The following SULF2 variants were observed in gnomAD, a reference collection of about 807,000 sequenced individuals.
SULF2 encodes extracellular sulfatase Sulf-2.
Under a neutral mutation model 107.7 loss-of-function variants are expected in SULF2, and 52 were observed. The observed-to-expected ratio is 0.48, with a 90% CI of 0.39 to 0.61. The LOEUF (loss-of-function observed/expected upper bound fraction) is 0.61. Ranked by LOEUF, SULF2 falls within the 20% of genes least tolerant of loss-of-function variation. SULF2 has a pLI of 0.00. For synonymous variants in SULF2, 460 were observed against 464.3 expected, an observed-to-expected ratio of 0.99 and a Z score of 0.12; for missense variants, 993 against 1,177.3, an observed-to-expected ratio of 0.84 and a Z score of 2.29.
At position 47,658,328 on chromosome 20, in the gene SULF2, C is replaced by T; in HGVS notation, c.*34G>A. The T allele has an allele frequency of 6.2e-7, 1 of 1,612,424 alleles. No homozygotes were observed. Among genetic ancestry groups the T allele is most frequent in the Non-Finnish European group, 8.5e-7 (1 of 1,178,420 alleles). On this transcript the variant is annotated 3_prime_UTR_variant, in exon 21 of 21. Transcript: ENST00000688720. ...CATTGCCTGTGCAGTCAGGTGATGC[C>T]TCTATGTTTTTGGAGGTCCACCTCT...
At chr20:47,670,055 T>C (rs767546519) in intron 11 of SULF2, among the ~76,000 whole-genome samples, 7 of 152,304 alleles carry the variant, frequency 4.6e-5, no homozygotes, top group Non-Finnish European at 5.9e-5. Flanking sequence ...TGGGCTGTTA[T>C]GGAGAGAGAC....
chr20:47,662,007 G>C (rs2087092896), intron 17 of SULF2, 111 bp from the exon 18 acceptor site: 1 of 1,196,608 alleles, frequency 8.4e-7, no homozygotes, highest in East Asian at 2.8e-5. Context: ...AAGGTGCTAG[G>C]GGCTGGTGAC....
intron 13 of SULF2, 135 bp from the exon 14 acceptor site, chr20:47,665,428 C>CA (rs1367057794): frequency 1.4e-6 from 1 of 694,514 alleles, no homozygotes; most frequent in African/African-American, 1.8e-5. Context: ...CCAGGGCAAG[C>CA]ACCGGCATGT....
intron 3 of SULF2, among the ~76,000 whole-genome samples, chr20:47,721,907 G>T (rs6125088): frequency 6.6e-6 from 1 of 152,154 alleles, no homozygotes; most frequent in Non-Finnish European, 1.5e-5. Flanking sequence ...TTGGGTGAAA[G>T]AGACATAAGA....
intron 2 of SULF2, among the ~76,000 whole-genome samples, chr20:47,750,269 C>T (rs1490204698): frequency 7.2e-5 from 11 of 152,202 alleles, no homozygotes; most frequent in African/African-American, 1.4e-4. Context: ...TGTGAGCCAC[C>T]GCACCCGGCC....
chr20:47,754,479 C>T (rs1041906298), intron 2 of SULF2, among the ~76,000 whole-genome samples: 2 of 120,172 alleles, frequency 1.7e-5, no homozygotes, highest in African/African-American at 6.2e-5. Flanking sequence ...AACCACCTTC[C>T]CATCCCTTGC....
At chr20:47,716,003 T>G (rs6063140) in intron 3 of SULF2, among the ~76,000 whole-genome samples, 19,876 of 152,266 alleles carry the variant, frequency 0.13, 1,697 homozygotes, top group South Asian at 0.2. Context: ...AACTTGGATC[T>G]ATTTGGCCCA....
intron 3 of SULF2, chr20:47,706,832 C>A (rs1479956515): frequency 6.6e-6 from 1 of 152,202 alleles, no homozygotes; most frequent in Admixed American, 6.5e-5. Context: ...CAGCCTTCAC[C>A]AGATTCATCA....
chr20:47,671,666 C>T (rs774978370), intron 11 of SULF2, among the ~76,000 whole-genome samples: 3 of 152,126 alleles, frequency 2.0e-5, no homozygotes, highest in Non-Finnish European at 4.4e-5. Context: ...TCCTGTGAAC[C>T]TCTGGTCCTA....
intron 9 of SULF2, 23 bp from the exon 10 acceptor site, chr20:47,676,646 C>T (rs1453352471): frequency 1.3e-5 from 20 of 1,547,814 alleles, no homozygotes; most frequent in Middle Eastern, 2.3e-4. Flanking sequence ...GAGCAGGAGC[C>T]GCGGGGCCGG....
At chr20:47,700,318 A>G (rs983018915) in intron 4 of SULF2, among the ~76,000 whole-genome samples, 1 of 152,194 alleles carries the variant, frequency 6.6e-6, no homozygotes, top group African/African-American at 2.4e-5. Context: ...CTTTCACACT[A>G]TAACGGCAGA....
Position 47,745,394 on chromosome 20 carries a change from AAAAAAAAAAAAAAAAAATATAT to A in SULF2, c.176-8474_176-8453del, listed in dbSNP as rs1303716610. On this transcript the variant is annotated intron_variant, in intron 2 of 20. Coordinates refer to ENST00000688720, the MANE Select transcript of SULF2 (RefSeq NM_001387048.1). ...CTGAGTTTTGAGGGAAAAAAAAAAA[AAAAAAAAAAAAAAAAAATATAT>A]ATATATATATATATATATATATATA... Among the ~76,000 whole-genome samples, 25 of 18,246 alleles carry A rather than the reference AAAAAAAAAAAAAAAAAATATAT, an allele frequency of 1.4e-3. 1 individual carries two copies. The highest frequency in any genetic ancestry group is 2.7e-3 in the African/African-American group (5 of 1,886). 12.0% of individuals were successfully genotyped at this position (18,246 alleles called of 152,430 possible). A position where few individuals can be genotyped will look rare whatever the true frequency, so the allele number is the denominator to read the frequency against.
intron 2 of SULF2, among the ~76,000 whole-genome samples, chr20:47,751,136 A>G (rs1408350259): frequency 2.0e-5 from 3 of 152,240 alleles, no homozygotes; most frequent in Admixed American, 2.0e-4. Context: ...TTTGGCATAC[A>G]GTAGGTGCTC....
intron 1 of SULF2, among the ~76,000 whole-genome samples, chr20:47,764,146 G>T (rs983293818): frequency 6.6e-6 from 1 of 152,096 alleles, no homozygotes; most frequent in African/African-American, 2.4e-5. Flanking sequence ...CCCTCCTCAG[G>T]TCTTTGCTCA....
chr20:47,731,189 T>TCTC (rs1568871790), intron 3 of SULF2, among the ~76,000 whole-genome samples: 1 of 75,720 alleles, frequency 1.3e-5, no homozygotes, highest in African/African-American at 7.5e-5. Flanking sequence ...TATCTTCTCT[T>TCTC]TTTTTTTTTT....
At chr20:47,767,050 C>A (rs2090541647) in intron 1 of SULF2, among the ~76,000 whole-genome samples, 1 of 152,010 alleles carries the variant, frequency 6.6e-6, no homozygotes, top group African/African-American at 2.4e-5. Context: ...GGGGAAAATG[C>A]CACAGGGAAC....
chr20:47,751,488 G>A (rs1037366703), intron 2 of SULF2, among the ~76,000 whole-genome samples: 2 of 152,196 alleles, frequency 1.3e-5, no homozygotes, highest in Non-Finnish European at 2.9e-5. Flanking sequence ...CTAGGTGAGA[G>A]AAGCTCTCTT....
intron 4 of SULF2, among the ~76,000 whole-genome samples, chr20:47,701,056 C>G (rs1053568479): frequency 5.9e-5 from 9 of 152,184 alleles, no homozygotes; most frequent in Non-Finnish European, 1.0e-4. Flanking sequence ...ATGTTCACGG[C>G]AGCTTAGTTT....
At chr20:47,744,651 G>A (rs2089965401) in intron 2 of SULF2, among the ~76,000 whole-genome samples, 2 of 152,102 alleles carry the variant, frequency 1.3e-5, no homozygotes, top group Admixed American at 1.3e-4. Context: ...TGATCCTCCT[G>A]CCTTGGCCTC....
Sources: gnomAD v4.1 joint callset for allele counts (sites outside exome capture counted in the v4.1 genomes callset) on GRCh38, gnomAD v4.1.1 for gene constraint, MANE v1.5 for transcripts, NCBI Gene and HGNC (gene_info 2026-07-23, HGNC 2026-07-21) for gene names.